Variants in STT3A observed in about 807,000 individuals in gnomAD.
STT3A encodes the protein STT3 oligosaccharyltransferase complex catalytic subunit A.
Under a neutral mutation model 89.2 loss-of-function variants are expected in STT3A, and 34 were observed. The ratio of observed to expected loss-of-function variants is 0.38; its 90% CI spans 0.29 to 0.51. STT3A has a LOEUF of 0.51. Ranked by LOEUF, STT3A falls within the 20% of genes least tolerant of loss-of-function variation. The probability of loss-of-function intolerance (pLI) is 0.89; values close to 1 mark genes in which losing one functional copy is unlikely to be tolerated. For missense variants in STT3A, 555 were observed against 889.5 expected, an observed-to-expected ratio of 0.62 and a Z score of 4.78; for synonymous variants, 282 against 310.3, an observed-to-expected ratio of 0.91 and a Z score of 0.96.
rs766340512 is a variant in STT3A at position 125,595,943 on chromosome 11, T to G, written c.28T>G (p.Ser10Ala). 3.7e-6 allele frequency: 6 copies of G among 1,614,018 alleles called. No individual in the cohort carries two copies. The South Asian group carries it at 6.6e-5, about 18-fold the overall frequency. The change falls in exon 2 of 18, where the codon TCC becomes GCC. Residue 10 changes from serine to alanine, a missense_variant. This residue lies in a region of STT3A where 129 missense variants were observed against 193.2 expected (regional missense o/e 0.67). Transcript: ENST00000392708. MTKFGFLRL[S>A]YEKQDTLLKL... ...GACTAAGTTTGGATTTTTGCGATTG[T>G]CCTATGAGAAGCAGGACACACTTTT...
Position 125,613,063 on chromosome 11 carries a change from T to C in STT3A, c.1440T>C (p.Ser480=), listed in dbSNP as rs772852199. ...TYTFHSTWVT[S]EAYSSPSIVL... Reference sequence around the variant, plus strand: ...CCTTTCATTCAACCTGGGTGACCAGTGAGGCCTACTCTTCTCCGTCCATTG... The same window carrying C: ...CCTTTCATTCAACCTGGGTGACCAGCGAGGCCTACTCTTCTCCGTCCATTG... Residue 480 remains serine, a synonymous_variant, in exon 13 of 18, where the codon AGT becomes AGC. Coordinates refer to ENST00000392708, the MANE Select transcript of STT3A (RefSeq NM_152713.5). The surrounding 1 kb of genome is among the most constrained non-coding windows in gnomAD (Gnocchi z 4.2). 6.2e-7 allele frequency: 1 copy of C among 1,614,148 alleles called. No homozygotes were observed. Among genetic ancestry groups the C allele is most frequent in the South Asian group, 1.1e-5 (1 of 91,088 alleles).
In STT3A at chr11:125,604,139, A is replaced by C. The variant is rs777208339; in HGVS notation, c.418-18A>C. ...ATTGTATTGGTGTTAATGTCTTATTACCCTTTTTTTCTTACAGGATGCAGG... is the reference window on the plus strand; with the variant it reads ...ATTGTATTGGTGTTAATGTCTTATTCCCCTTTTTTTCTTACAGGATGCAGG... On this transcript the variant is annotated intron_variant, in intron 5 of 17. Coordinates refer to ENST00000392708, the MANE Select transcript of STT3A (RefSeq NM_152713.5). 2 of 1,613,134 alleles carry C rather than the reference A, an allele frequency of 1.2e-6. No homozygotes were observed. Among genetic ancestry groups the C allele is most frequent in the South Asian group, 1.1e-5 (1 of 91,034 alleles).
At position 125,595,978 on chromosome 11, in the gene STT3A, C is replaced by T. The variant is rs1399833013; in HGVS notation, c.63C>T (p.Leu21=). The T allele has an allele frequency of 6.2e-7, 1 of 1,613,954 alleles. No homozygotes were observed. The highest frequency in any genetic ancestry group is 1.1e-5 in the South Asian group (1 of 91,046). Residue 21 remains leucine, a synonymous_variant, in exon 2 of 18, where the codon CTC becomes CTT. Transcript: ENST00000392708. ...YEKQDTLLKL[L]ILSMAAVLSF... Reference sequence around the variant, plus strand: ...AGCAGGACACACTTTTGAAGCTTCTCATTCTGTCAATGGCTGCTGTATTAT... The same window carrying T: ...AGCAGGACACACTTTTGAAGCTTCTTATTCTGTCAATGGCTGCTGTATTAT...
At chr11:125,599,874 G>A (rs1335356356) in intron 3 of STT3A, among the ~76,000 whole-genome samples, 1 of 140,090 alleles carries the variant, frequency 7.1e-6, no homozygotes, top group Non-Finnish European at 1.5e-5. Context: ...GGGATTACAG[G>A]CACGCGCCAC....
At position 125,613,978 on chromosome 11, in the gene STT3A, T is replaced by C; in HGVS notation, c.1555-109T>C. ...ATGCATTACTTTGTGAAGAAATTGATTAGTTAGCCAGGTGTCACTTCTGTC... is the reference window on the plus strand; with the variant it reads ...ATGCATTACTTTGTGAAGAAATTGACTAGTTAGCCAGGTGTCACTTCTGTC... On this transcript the variant is annotated intron_variant, in intron 13 of 17. Coordinates refer to ENST00000392708, the MANE Select transcript of STT3A (RefSeq NM_152713.5). The surrounding 1 kb of genome is among the most constrained non-coding windows in gnomAD (Gnocchi z 4.2). 3 of 862,904 alleles carry C rather than the reference T, an allele frequency of 3.5e-6. No homozygotes were observed. In the Admixed American group the frequency reaches 6.4e-5, roughly 18 times the overall value. 53.5% of individuals were successfully genotyped at this position (862,904 alleles called of 1,614,324 possible). A position where few individuals can be genotyped will look rare whatever the true frequency, so the allele number is the denominator to read the frequency against.
chr11:125,595,908 A>T lies in STT3A; in HGVS notation c.-8A>T, dbSNP rs1939480127. On this transcript the variant is annotated 5_prime_UTR_variant, in exon 2 of 18. It removes an upstream start codon present in the reference 5' UTR. Coordinates refer to ENST00000392708, the MANE Select transcript of STT3A (RefSeq NM_152713.5). ...GATCGTCGTGTGTTGCCACCCATTC[A>T]TGTCAAGATGACTAAGTTTGGATTT... The T allele has an allele frequency of 6.2e-7, 1 of 1,606,944 alleles. No individual in the cohort carries two copies. Among genetic ancestry groups the T allele is most frequent in the Non-Finnish European group, 8.5e-7 (1 of 1,174,386 alleles).
intron 7 of STT3A, 37 bp from the exon 8 acceptor site, chr11:125,606,264 A>G (rs779931991): frequency 6.3e-6 from 10 of 1,580,806 alleles, no homozygotes; most frequent in Non-Finnish European, 8.6e-6. Context: ...CTGAGGAGGC[A>G]TACTCAGAGG....
chr11:125,609,820 G>T, intron 10 of STT3A: 2 of 460,338 alleles, frequency 4.3e-6, no homozygotes, highest in Non-Finnish European at 7.5e-6. Context: ...TTTGTCATTT[G>T]TGTTATAAGT....
At position 125,613,211 on chromosome 11, in the gene STT3A, AG is replaced by A. The variant is rs773924611; in HGVS notation, c.1554+38del. The A allele has an allele frequency of 6.2e-7, 1 of 1,604,694 alleles. No homozygotes were observed. Among genetic ancestry groups the A allele is most frequent in the Non-Finnish European group, 8.5e-7 (1 of 1,173,680 alleles). ...TTGGGAGGGGTGGGAATTGTGGGTT[AG>A]GGGCAAAGGGGAAGACATTTGATGT... On this transcript the variant is annotated intron_variant, in intron 13 of 17. Transcript: ENST00000392708. The surrounding 1 kb of genome is among the most constrained non-coding windows in gnomAD (Gnocchi z 4.2).
chr11:125,597,172 C>T, intron 3 of STT3A, 53 bp downstream of exon 3: 2 of 1,586,796 alleles, frequency 1.3e-6, no homozygotes, highest in Non-Finnish European at 1.7e-6. Context: ...CATTCAGGTT[C>T]ATGGGTTTCA....
Position 125,604,050 on chromosome 11 carries a change from T to C in STT3A, c.418-107T>C, listed in dbSNP as rs529496445. On this transcript the variant is annotated intron_variant, in intron 5 of 17. Transcript: ENST00000392708. ...CATCTCACATCTACCTTCGAAATTG[T>C]TGGACTGTTTTCTGGGCTCATTATA... 3 of 1,153,230 alleles carry C rather than the reference T, an allele frequency of 2.6e-6. No homozygotes were observed. In the East Asian group the frequency reaches 7.4e-5, roughly 28 times the overall value. 71.4% of individuals were successfully genotyped at this position (1,153,230 alleles called of 1,614,324 possible).
intron 11 of STT3A, 35 bp from the exon 12 acceptor site, chr11:125,612,557 C>T (rs1367081437): frequency 1.3e-6 from 2 of 1,592,554 alleles, no homozygotes; most frequent in African/African-American, 1.3e-5. Flanking sequence ...TTGTGGAACA[C>T]TGATTAGACT....
At chr11:125,616,835 G>A (rs1940194317) in intron 15 of STT3A, among the ~76,000 whole-genome samples, 1 of 152,040 alleles carries the variant, frequency 6.6e-6, no homozygotes, top group African/African-American at 2.4e-5. Flanking sequence ...ACACCACCAT[G>A]CCCGGCCAAT....
At chr11:125,604,049 G>C in intron 5 of STT3A, 108 bp from the exon 6 acceptor site, 1 of 1,147,682 alleles carries the variant, frequency 8.7e-7, no homozygotes, top group Non-Finnish European at 1.3e-6. Flanking sequence ...CTTCGAAATT[G>C]TTGGACTGTT....
At chr11:125,596,866 T>C (rs1032464496) in intron 2 of STT3A, among the ~76,000 whole-genome samples, 193 bp from the exon 3 acceptor site, 4 of 152,228 alleles carry the variant, frequency 2.6e-5, no homozygotes, top group African/African-American at 7.2e-5. Context: ...AAAATGTAGA[T>C]GCCATTGTCA....
At position 125,595,882 on chromosome 11, in the gene STT3A, T is replaced by C. The variant is rs746310795; in HGVS notation, c.-34T>C. 2.3e-5 allele frequency: 33 copies of C among 1,418,918 alleles called. No homozygotes were observed. Among genetic ancestry groups the C allele is most frequent in the Admixed American group, 5.3e-5 (3 of 56,978 alleles). 87.9% of individuals were successfully genotyped at this position (1,418,918 alleles called of 1,614,324 possible). ...GTGGTCTTGACTTTTTCATTTTAGCTGATCGTCGTGTGTTGCCACCCATTC... is the reference window on the plus strand; with the variant it reads ...GTGGTCTTGACTTTTTCATTTTAGCCGATCGTCGTGTGTTGCCACCCATTC... On this transcript the variant is annotated splice_region_variant and 5_prime_UTR_variant, in exon 2 of 18. Transcript: ENST00000392708.
intron 3 of STT3A, among the ~76,000 whole-genome samples, chr11:125,599,735 A>ATTC: frequency 6.8e-6 from 1 of 147,630 alleles, no homozygotes; most frequent in Non-Finnish European, 1.5e-5. Context: ...TATTATTATT[A>ATTC]TTATTATTTT....
At position 125,609,538 on chromosome 11, in the gene STT3A, A is replaced by G; in HGVS notation, c.1066A>G (p.Thr356Ala). Residue 356 changes from threonine (T) to alanine (A), a missense_variant, in exon 10 of 18, where the codon ACC (threonine) becomes GCC (alanine). Physicochemically the swap from Thr to Ala is moderately conservative, Grantham distance 58. This residue lies in a region of STT3A where 273 missense variants were observed against 449.8 expected (regional missense o/e 0.61). Transcript: ENST00000392708. ...TTCTGTGTCTGAGCATCAGCCCACA[A>G]CCTGGTCCTCATACTATTTTGACCT... ...IASVSEHQPTTWSSYYFDLQL... is the reference protein window; with the variant it reads ...IASVSEHQPTAWSSYYFDLQL... The G allele has an allele frequency of 6.2e-7, 1 of 1,614,146 alleles. No individual in the cohort carries two copies. Among genetic ancestry groups the G allele is most frequent in the Non-Finnish European group, 8.5e-7 (1 of 1,180,036 alleles).
In STT3A at chr11:125,618,471, C is replaced by T; in HGVS notation, c.1873C>T (p.Arg625Cys). The change falls in exon 16 of 18, where the codon CGT becomes TGT. Residue 625 changes from arginine to cysteine, a missense_variant. Transcript: ENST00000392708. ...NDYYTPTGEFRVDREGSPVLL... is the reference protein window; with the variant it reads ...NDYYTPTGEFCVDREGSPVLL... ...CTATTATACTCCAACTGGGGAGTTC[C>T]GTGTGGACCGTGAAGGTTCTCCAGT... 2 of 1,613,894 alleles carry T rather than the reference C, an allele frequency of 1.2e-6. No individual in the cohort carries two copies. The highest frequency in any genetic ancestry group is 1.7e-6 in the Non-Finnish European group (2 of 1,179,990).
Sources: allele counts gnomAD v4.1 joint callset (sites outside exome capture counted in the v4.1 genomes callset), GRCh38; gene constraint gnomAD v4.1.1; regional missense constraint gnomAD v4.1.1; non-coding constraint Gnocchi (gnomAD v3.1); transcripts MANE v1.5; gene names NCBI Gene and HGNC (gene_info 2026-07-23, HGNC 2026-07-21).